Variants in USP33 observed in about 807,000 individuals in gnomAD.
The protein encoded by USP33 is ubiquitin specific peptidase 33, also known as ubiquitin carboxyl-terminal hydrolase 33.
In USP33, 46 loss-of-function variants were observed where a neutral mutation model predicts 124.2. The observed-to-expected ratio is 0.37, with a 90% CI of 0.29 to 0.47. The LOEUF (loss-of-function observed/expected upper bound fraction) is 0.47. Among genes scored for constraint, USP33 ranks in the 20% least tolerant of loss-of-function variants. The probability of loss-of-function intolerance (pLI) is 0.99; values close to 1 mark genes in which losing one functional copy is unlikely to be tolerated. For missense variants in USP33, 851 were observed against 1,070.6 expected (o/e 0.79, Z 2.86); for synonymous variants, 350 against 352.3 (o/e 0.99, Z 0.07).
At chr1:77,708,321 C>T (rs1674858845) in intron 21 of USP33, among the ~76,000 whole-genome samples, 1 of 152,178 alleles carries the variant, frequency 6.6e-6, no homozygotes, top group Non-Finnish European at 1.5e-5. Context: ...TGATTTTCCC[C>T]TCTGGTGGCA....
intron 21 of USP33, among the ~76,000 whole-genome samples, chr1:77,710,666 T>C: frequency 6.6e-6 from 1 of 152,218 alleles, no homozygotes; most frequent in East Asian, 1.9e-4. Flanking sequence ...TGTCTACACA[T>C]GTGCAGGAAA....
chr1:77,711,909 T>G, intron 20 of USP33, 54 bp from the exon 21 acceptor site: 1 of 1,524,306 alleles, frequency 6.6e-7, no homozygotes, highest in Middle Eastern at 1.7e-4. Context: ...TTTCTAACAT[T>G]TAAGTCAGTG....
intron 17 of USP33, among the ~76,000 whole-genome samples, chr1:77,716,105 C>G (rs1383990062): frequency 1.3e-5 from 2 of 152,166 alleles, no homozygotes; most frequent in African/African-American, 4.8e-5. Context: ...GTTGCCCAAG[C>G]TGGCGTTCAG....
chr1:77,759,646 C>T lies in USP33; in HGVS notation c.-55G>A. The stretch of plus-strand genomic sequence containing the variant: ...CTCCCAGCAGCGCCGCGCTCACCTC[C>T]ACGGCCTGGCCCGCGGGACCCGCCA... On this transcript the variant is annotated 5_prime_UTR_variant, in exon 1 of 24. Coordinates refer to ENST00000370794, the MANE Select transcript of USP33 (RefSeq NM_201624.3). 1 of 399,176 alleles carries T rather than the reference C, an allele frequency of 2.5e-6. No individual in the cohort carries two copies. 24.7% of individuals were successfully genotyped at this position (399,176 alleles called of 1,614,324 possible).
At chr1:77,734,258 TTAGTCAACTACTA>T in intron 7 of USP33, 76 bp downstream of exon 7, 1 of 961,026 alleles carries the variant, frequency 1.0e-6, no homozygotes, top group South Asian at 1.5e-5. Context: ...CTACCTTGAG[TTAGTCAACTACTA>T]TAGTTGCAAG....
chr1:77,697,635 A>G, intron 23 of USP33, 161 bp from the exon 24 acceptor site: 1 of 962,962 alleles, frequency 1.0e-6, no homozygotes, highest in Non-Finnish European at 1.5e-6. Flanking sequence ...GCTGAAACAT[A>G]TGGCTTGTCT....
At chr1:77,697,621 A>G in intron 23 of USP33, 147 bp from the exon 24 acceptor site, 2 of 1,030,792 alleles carry the variant, frequency 1.9e-6, no homozygotes, top group Non-Finnish European at 2.8e-6. Flanking sequence ...CCATATTGTT[A>G]TAAGCTGAAA....
chr1:77,746,458 A>T (rs1380804127), intron 1 of USP33: 2 of 152,212 alleles, frequency 1.3e-5, no homozygotes, highest in African/African-American at 4.8e-5. Context: ...TACAAAGAGG[A>T]GCTGGTACCA....
At chr1:77,724,315 C>A (rs548663750) in intron 11 of USP33, among the ~76,000 whole-genome samples, 5 of 152,166 alleles carry the variant, frequency 3.3e-5, no homozygotes, top group African/African-American at 1.2e-4. Context: ...GATACATGTC[C>A]TTTGCTAGCT....
At chr1:77,722,254 AG>A in intron 12 of USP33, 58 bp from the exon 13 acceptor site, 4 of 1,458,302 alleles carry the variant, frequency 2.7e-6, no homozygotes, top group Non-Finnish European at 2.7e-6. Context: ...AACATTTCCA[AG>A]GTTAGATTTT....
chr1:77,754,329 T>C (rs1471572894), intron 1 of USP33, among the ~76,000 whole-genome samples: 1 of 152,070 alleles, frequency 6.6e-6, no homozygotes, highest in Non-Finnish European at 1.5e-5. Flanking sequence ...AATGAAGGAA[T>C]AAGCTTATGG....
intron 21 of USP33, among the ~76,000 whole-genome samples, chr1:77,708,636 T>C (rs1234120822): frequency 6.6e-6 from 1 of 152,246 alleles, no homozygotes; most frequent in Non-Finnish European, 1.5e-5. Flanking sequence ...ACTCCAAGTA[T>C]ACAAAGAAAT....
chr1:77,734,827 T>C (rs751711264), intron 6 of USP33, among the ~76,000 whole-genome samples: 4 of 152,080 alleles, frequency 2.6e-5, no homozygotes, highest in African/African-American at 7.2e-5. Flanking sequence ...CGTATTGCAC[T>C]GAAAGTAGTA....
intron 15 of USP33, among the ~76,000 whole-genome samples, chr1:77,719,349 C>T (rs545977762): frequency 1.2e-4 from 19 of 152,136 alleles, no homozygotes; most frequent in Non-Finnish European, 2.2e-4. Context: ...CAGAGCAAGA[C>T]TCCATCTCAA....
intron 21 of USP33, among the ~76,000 whole-genome samples, chr1:77,702,090 C>T (rs1053176975): frequency 7.9e-6 from 1 of 126,054 alleles, no homozygotes; most frequent in Non-Finnish European, 1.6e-5. Flanking sequence ...TACAGTGAGC[C>T]GTGATTGTGC....
At chr1:77,712,748 C>G (rs1490417118) in intron 20 of USP33, among the ~76,000 whole-genome samples, 3 of 151,958 alleles carry the variant, frequency 2.0e-5, no homozygotes, top group East Asian at 3.9e-4. Flanking sequence ...ATCCCAGCTA[C>G]TAGGCAGGCT....
intron 6 of USP33, among the ~76,000 whole-genome samples, chr1:77,734,662 A>G (rs1678214706): frequency 6.6e-6 from 1 of 152,264 alleles, no homozygotes; most frequent in South Asian, 2.1e-4. Flanking sequence ...CTTTCCTATT[A>G]ACATTTAAGA....
intron 13 of USP33, 27 bp from the exon 14 acceptor site, chr1:77,721,952 G>C: frequency 6.2e-7 from 1 of 1,601,480 alleles, no homozygotes; most frequent in Non-Finnish European, 8.5e-7. Context: ...AGAAAAAAAA[G>C]GAAGTGTTCT....
At position 77,728,395 on chromosome 1, in the gene USP33, ATTTAC is replaced by A. The variant is rs761412012; in HGVS notation, c.1030_1034del (p.Val344PhefsTer2). On this transcript the variant is annotated frameshift_variant, in exon 10 of 24. Transcript: ENST00000370794. LOFTEE classifies it high-confidence loss of function. ...TATCTTTATCAAATTCGCCTTCAGA[ATTTAC>A]TTTATTAATCTTATTGCACATCTTC... The A allele has an allele frequency of 6.2e-7, 1 of 1,614,004 alleles. No individual in the cohort carries two copies. The highest frequency in any genetic ancestry group is 8.5e-7 in the Non-Finnish European group (1 of 1,180,002).
Sources: gnomAD v4.1 joint callset for allele counts (sites outside exome capture counted in the v4.1 genomes callset) on GRCh38, gnomAD v4.1.1 for gene constraint, MANE v1.5 for transcripts, NCBI Gene and HGNC (gene_info 2026-07-23, HGNC 2026-07-21) for gene names.